Variants in NAALADL2 observed in about 807,000 individuals in gnomAD.
NAALADL2 encodes the protein N-acetylated alpha-linked acidic dipeptidase like 2.
NAALADL2 carries 76 observed loss-of-function variants against 87.2 expected under a neutral mutation model. The ratio of observed to expected loss-of-function variants is 0.87; its 90% confidence interval spans 0.72 to 1.05. The LOEUF is 1.05. NAALADL2 is among the 50% of genes least tolerant of loss of function. The pLI is 0.00. For synonymous variants in NAALADL2, 354 were observed against 331.0 expected, an observed-to-expected ratio of 1.07 and a Z score of -0.75; for missense variants, 1,089 against 945.8, an observed-to-expected ratio of 1.15 and a Z score of -1.99.
Position 175,467,150 on chromosome 3 carries a change from CT to C in NAALADL2, c.1503del (p.Phe501LeufsTer31). The C allele has an allele frequency of 6.2e-7, 1 of 1,613,800 alleles. No individual in the cohort carries two copies. The highest frequency in any genetic ancestry group is 8.5e-7 in the Non-Finnish European group (1 of 1,179,770). On this transcript the variant is annotated frameshift_variant, in exon 8 of 14. Coordinates refer to ENST00000454872, the MANE Select transcript of NAALADL2 (RefSeq NM_207015.3). LOFTEE classifies it high-confidence loss of function. ...GTTTTCTGTTCTTGGGGAGGAACAG[CT>C]TTTGGCAATATTGGCTCATATGAAT... ...TIVFCSWGGT[A>X]FGNIGSYEWG...
At chr3:174,849,413 C>T (rs776663940) in intron 3 of NAALADL2, among the ~76,000 whole-genome samples, 13 of 151,858 alleles carry the variant, frequency 8.6e-5, no homozygotes, top group Non-Finnish European at 1.6e-4. Context: ...ATTTTTAATG[C>T]TTTCTTAAAA....
intron 13 of NAALADL2, among the ~76,000 whole-genome samples, chr3:175,761,918 T>C (rs1748074137): frequency 6.6e-6 from 1 of 152,172 alleles, no homozygotes; most frequent in African/African-American, 2.4e-5. Flanking sequence ...TAGGTAGATG[T>C]TTTACAAAAT....
At chr3:175,644,421 G>A (rs935954393) in intron 11 of NAALADL2, among the ~76,000 whole-genome samples, 2 of 151,880 alleles carry the variant, frequency 1.3e-5, no homozygotes, top group Non-Finnish European at 1.5e-5. Flanking sequence ...CTACCATGAT[G>A]TTGATGATAC....
chr3:174,554,392 G>A (rs1712497648), intron 2 of NAALADL2, among the ~76,000 whole-genome samples: 1 of 151,774 alleles, frequency 6.6e-6, no homozygotes, highest in South Asian at 2.1e-4. Context: ...ATTTATCTAA[G>A]TGCTTATTGT....
At chr3:174,493,194 A>G (rs1182863146) in intron 1 of NAALADL2, among the ~76,000 whole-genome samples, 1 of 152,188 alleles carries the variant, frequency 6.6e-6, no homozygotes, top group East Asian at 1.9e-4. Flanking sequence ...CTTGATATCC[A>G]GTACTTCAGA....
intron 5 of NAALADL2, among the ~76,000 whole-genome samples, chr3:175,358,733 T>C (rs1764660610): frequency 6.6e-6 from 1 of 152,222 alleles, no homozygotes; most frequent in Non-Finnish European, 1.5e-5. Context: ...CATGGTAATC[T>C]GGCAGCCACA....
chr3:175,600,596 G>A (rs1050658181), intron 10 of NAALADL2, among the ~76,000 whole-genome samples: 18 of 126,026 alleles, frequency 1.4e-4, no homozygotes, highest in African/African-American at 4.4e-4. Flanking sequence ...GGAGTCCAGT[G>A]GCGCGATCTC....
chr3:175,467,278 G>T (rs970792971), intron 8 of NAALADL2, 94 bp downstream of exon 8: 2 of 932,542 alleles, frequency 2.1e-6, no homozygotes, highest in Non-Finnish European at 3.3e-6. Flanking sequence ...GCAATAATGT[G>T]CTTCTCAACA....
chr3:175,561,628 A>G (rs1051455614), intron 9 of NAALADL2, among the ~76,000 whole-genome samples: 1 of 152,220 alleles, frequency 6.6e-6, no homozygotes, highest in South Asian at 2.1e-4. Context: ...AGAAGTATGT[A>G]TATAGAATTG....
At chr3:175,619,356 G>T (rs1725872502) in intron 10 of NAALADL2, among the ~76,000 whole-genome samples, 2 of 151,676 alleles carry the variant, frequency 1.3e-5, no homozygotes, top group African/African-American at 4.8e-5. Flanking sequence ...ATGAATCCCA[G>T]GAATTGGGGA....
chr3:175,095,814 G>T (rs953356794), intron 1 of NAALADL2, among the ~76,000 whole-genome samples: 2 of 152,080 alleles, frequency 1.3e-5, no homozygotes, highest in African/African-American at 4.8e-5. Context: ...AGATCCAGCT[G>T]GGGTGACAAA....
At position 174,997,058 on chromosome 3, in the gene NAALADL2, ATTT is replaced by A. The variant is rs200338062; in HGVS notation, c.44-99723_44-99721del. Among the ~76,000 whole-genome samples the A allele has an allele frequency of 2.6e-3, 330 of 125,910 alleles. 2 individuals are homozygous for A. The highest frequency in any genetic ancestry group is 9.6e-3 in the African/African-American group (302 of 31,480). 82.6% of individuals were successfully genotyped at this position (125,910 alleles called of 152,430 possible). A position where few individuals can be genotyped will look rare whatever the true frequency, so the allele number is the denominator to read the frequency against. Reference sequence around the variant, plus strand: ...TGTGTGTATGTGTATATATATATATATTTTTTTTTTTAATCCACTCGTTGGTCC... The same window carrying A: ...TGTGTGTATGTGTATATATATATATATTTTTTTTAATCCACTCGTTGGTCC... On this transcript the variant is annotated intron_variant, in intron 1 of 13. Transcript: ENST00000454872.
At chr3:175,115,047 G>C (rs1489216334) in intron 2 of NAALADL2, 1 of 151,556 alleles carries the variant, frequency 6.6e-6, no homozygotes, top group Non-Finnish European at 1.5e-5. Context: ...TTAAATGAAC[G>C]ATAAAGATGT....
At chr3:174,445,415 G>A (rs892529724) in intron 1 of NAALADL2, among the ~76,000 whole-genome samples, 8 of 152,102 alleles carry the variant, frequency 5.3e-5, no homozygotes, top group African/African-American at 1.9e-4. Flanking sequence ...TCCCCAGGTA[G>A]TTTTGTGCCC....
chr3:175,701,671 A>G (rs1394991683), intron 11 of NAALADL2, among the ~76,000 whole-genome samples: 1 of 152,146 alleles, frequency 6.6e-6, no homozygotes, highest in Non-Finnish European at 1.5e-5. Context: ...CAGCTCTATA[A>G]TAAACCACAA....
intron 2 of NAALADL2, among the ~76,000 whole-genome samples, chr3:174,716,514 TAATATA>T (rs1213253443): frequency 2.0e-5 from 3 of 152,066 alleles, no homozygotes; most frequent in East Asian, 3.8e-4. Flanking sequence ...TAGGTTTATA[TAATATA>T]AATATATAGC....
At chr3:175,218,528 T>C (rs1471204173) in intron 2 of NAALADL2, among the ~76,000 whole-genome samples, 1 of 148,660 alleles carries the variant, frequency 6.7e-6, no homozygotes, top group Non-Finnish European at 1.5e-5. Context: ...TAAGTTAAAT[T>C]TTATAAAGTG....
chr3:174,611,671 A>G (rs1174002566), intron 2 of NAALADL2, among the ~76,000 whole-genome samples: 1 of 149,112 alleles, frequency 6.7e-6, no homozygotes, highest in Admixed American at 6.7e-5. Context: ...GGCTCGCTGC[A>G]ACCTCTGCCT....
intron 11 of NAALADL2, among the ~76,000 whole-genome samples, chr3:175,696,209 A>G (rs1234370770): frequency 6.6e-6 from 1 of 152,208 alleles, no homozygotes; most frequent in Non-Finnish European, 1.5e-5. Context: ...CATCTAGCAC[A>G]TACAGAGTAT....
Sources: gnomAD v4.1 joint callset for allele counts (sites outside exome capture counted in the v4.1 genomes callset) on GRCh38, gnomAD v4.1.1 for gene constraint, MANE v1.5 for transcripts, NCBI Gene and HGNC (gene_info 2026-07-23, HGNC 2026-07-21) for gene names.